Variants in CHD9 observed in about 807,000 individuals in gnomAD.
The protein encoded by CHD9 is chromodomain helicase DNA binding protein 9.
Under a neutral mutation model 316.1 loss-of-function variants are expected in CHD9, and 77 were observed. That is an observed-to-expected ratio of 0.24 (90% confidence interval 0.20 to 0.29). CHD9 has a LOEUF of 0.29. CHD9 is among the 10% of genes least tolerant of loss of function. The pLI is 1.00. For synonymous variants in CHD9, 1,129 were observed against 1,158.3 expected, an observed-to-expected ratio of 0.97 and a Z score of 0.51; for missense variants, 2,763 against 3,438.1, an observed-to-expected ratio of 0.80 and a Z score of 4.91.
intron 11 of CHD9, among the ~76,000 whole-genome samples, chr16:53,237,837 C>CTGTT (rs10660103): frequency 6.6e-6 from 1 of 151,670 alleles, no homozygotes; most frequent in East Asian, 1.9e-4. Context: ...GCCTGAGTAT[C>CTGTT]TTTTTTTTCA....
At chr16:53,063,418 A>G (rs1345849519) in intron 1 of CHD9, among the ~76,000 whole-genome samples, 1 of 151,304 alleles carries the variant, frequency 6.6e-6, no homozygotes, top group Non-Finnish European at 1.5e-5. Flanking sequence ...TGAAGGTGAT[A>G]TTTGAATAAC....
intron 30 of CHD9, among the ~76,000 whole-genome samples, chr16:53,300,910 T>A (rs965361968): frequency 2.6e-5 from 4 of 152,074 alleles, no homozygotes; most frequent in African/African-American, 9.7e-5. Context: ...TTGTCTATAC[T>A]AAAAATACAA....
intron 2 of CHD9, among the ~76,000 whole-genome samples, chr16:53,204,023 CAAAAA>C (rs530552464): frequency 0.036 from 1,723 of 48,010 alleles, 78 homozygotes; most frequent in African/African-American, 0.14. Flanking sequence ...GACTCCATCT[CAAAAA>C]AAAAAAAAAA....
chr16:53,117,735 T>C (rs1199725511), intron 1 of CHD9, among the ~76,000 whole-genome samples: 1 of 151,868 alleles, frequency 6.6e-6, no homozygotes, highest in Non-Finnish European at 1.5e-5. Context: ...ATTTTTGAGA[T>C]CTTTACCCAA....
At chr16:53,275,606 C>T (rs2052731402) in intron 24 of CHD9, among the ~76,000 whole-genome samples, 1 of 152,110 alleles carries the variant, frequency 6.6e-6, no homozygotes, top group Admixed American at 6.6e-5. Flanking sequence ...TCACCTTTCC[C>T]AGTTTTCTTC....
chr16:53,070,460 C>T (rs940706422), intron 1 of CHD9, among the ~76,000 whole-genome samples: 52 of 151,814 alleles, frequency 3.4e-4, no homozygotes, highest in Admixed American at 7.9e-4. Context: ...TTTTTTTGCA[C>T]GAGTAGCATG....
chr16:53,221,348 G>T (rs930435688), intron 3 of CHD9, among the ~76,000 whole-genome samples: 1 of 152,142 alleles, frequency 6.6e-6, no homozygotes, highest in African/African-American at 2.4e-5. Flanking sequence ...TTGACCCTGT[G>T]TTTTCAAAGT....
Position 53,250,084 on chromosome 16 carries a change from C to G in CHD9, c.3861+18C>G, listed in dbSNP as rs201035834. 50 of 1,560,488 alleles carry G rather than the reference C, an allele frequency of 3.2e-5. No homozygotes were observed. In the African/African-American group the frequency reaches 6.6e-4, roughly 21 times the overall value. On this transcript the variant is annotated intron_variant, in intron 17 of 38. Coordinates refer to ENST00000447540, the MANE Select transcript of CHD9 (RefSeq NM_001308319.2). ...ATCTTCAGGTAAATAATTTCCTTGG[C>G]TAACAAAAAATGCATTTTTTAAAAA...
intron 3 of CHD9, among the ~76,000 whole-genome samples, chr16:53,217,856 C>T (rs966472075): frequency 6.6e-6 from 1 of 151,554 alleles, no homozygotes; most frequent in Non-Finnish European, 1.5e-5. Context: ...TCTCCCACTT[C>T]AGTCTACCAA....
intron 22 of CHD9, among the ~76,000 whole-genome samples, chr16:53,273,305 A>G (rs1217529380): frequency 2.0e-5 from 3 of 152,192 alleles, no homozygotes; most frequent in African/African-American, 7.2e-5. Context: ...TTTAGTATCT[A>G]GGAAAGCAAA....
intron 29 of CHD9, among the ~76,000 whole-genome samples, chr16:53,296,122 T>G (rs1567640095): frequency 6.6e-6 from 1 of 152,230 alleles, no homozygotes; most frequent in East Asian, 1.9e-4. Context: ...AAATGCCACT[T>G]ACTCTGTGAT....
At chr16:53,099,663 G>A (rs1434014163) in intron 1 of CHD9, among the ~76,000 whole-genome samples, 1 of 152,178 alleles carries the variant, frequency 6.6e-6, no homozygotes, top group Non-Finnish European at 1.5e-5. Context: ...CTCCGGGCGG[G>A]AGATTCGGCT....
intron 1 of CHD9, among the ~76,000 whole-genome samples, chr16:53,086,929 A>C (rs2035512859): frequency 6.6e-6 from 1 of 152,072 alleles, no homozygotes; most frequent in South Asian, 2.1e-4. Context: ...ATGGAAACTT[A>C]CCCAATCTTC....
At chr16:53,190,068 A>C (rs925706550) in intron 2 of CHD9, among the ~76,000 whole-genome samples, 23 of 152,132 alleles carry the variant, frequency 1.5e-4, no homozygotes, top group Admixed American at 1.4e-3. Flanking sequence ...ACTAGAACAG[A>C]ACCAACAAAC....
chr16:53,086,567 G>T (rs2035477449), intron 1 of CHD9, among the ~76,000 whole-genome samples: 1 of 152,166 alleles, frequency 6.6e-6, no homozygotes. Context: ...TGGCATAAAT[G>T]ACTTAGCTTC....
rs1170512466 is a variant in CHD9 at position 53,317,177 on chromosome 16, A to AAG, written c.7585-1034_7585-1033insGA. On this transcript the variant is annotated intron_variant, in intron 36 of 38. Transcript: ENST00000447540. Reference sequence around the variant, plus strand: ...AAACTCCATCTCAAAAAAAAAAAAAAAAAAGAAAAGAGGATAGGACTGTAA... The same window carrying AAG: ...AAACTCCATCTCAAAAAAAAAAAAAAAGAAAAGAAAAGAGGATAGGACTGTAA... 4.6e-5 allele frequency among the ~76,000 whole-genome samples: 7 copies of AAG among 151,806 alleles called. No individual in the cohort carries two copies. In the East Asian group the frequency reaches 5.8e-4, roughly 13 times the overall value.
chr16:53,245,229 A>G lies in CHD9; in HGVS notation c.3055-107A>G, dbSNP rs2049481488. On this transcript the variant is annotated intron_variant, in intron 13 of 38. Transcript: ENST00000447540. The surrounding 1 kb of genome is among the most constrained non-coding windows in gnomAD (Gnocchi z 4.1). Reference sequence around the variant, plus strand: ...ACACACATAACATATATATATGTATATATAGTCAGAAAAATATTTGCATAT... The same window carrying G: ...ACACACATAACATATATATATGTATGTATAGTCAGAAAAATATTTGCATAT... 6.5e-6 allele frequency: 5 copies of G among 764,732 alleles called. No homozygotes were observed. The highest frequency in any genetic ancestry group is 1.0e-5 in the Non-Finnish European group (5 of 500,310). The allele number at this position is 764,732 out of a possible 1,614,324, so 47.4% of individuals were successfully genotyped here.
At chr16:53,190,253 T>G (rs557913564) in intron 2 of CHD9, among the ~76,000 whole-genome samples, 1 of 152,250 alleles carries the variant, frequency 6.6e-6, no homozygotes, top group South Asian at 2.1e-4. Flanking sequence ...TAAAAACGTT[T>G]TATACTAGAA....
Position 53,321,610 on chromosome 16 carries a change from G to T in CHD9, c.7798G>T (p.Gly2600Ter). Residue 2600 changes from glycine (G) to a stop codon, truncating the protein, a stop_gained, in exon 38 of 39, where the codon GGA becomes TGA. Transcript: ENST00000447540. LOFTEE classifies it high-confidence loss of function. ...AGAATATGGAGTAGCTCCTGAATGG[G>T]GAGATGTTGTTAAGCAATCTGTGAG... The part of the protein sequence containing the change: ...NSEYGVAPEW[G>*]DVVKQSGFLP... 6.6e-7 allele frequency: 1 copy of T among 1,523,560 alleles called. No individual in the cohort carries two copies. Among genetic ancestry groups the T allele is most frequent in the South Asian group, 1.3e-5 (1 of 77,666 alleles). 94.4% of individuals were successfully genotyped at this position (1,523,560 alleles called of 1,614,324 possible).
Sources: allele counts gnomAD v4.1 joint callset (sites outside exome capture counted in the v4.1 genomes callset), GRCh38; gene constraint gnomAD v4.1.1; non-coding constraint Gnocchi (gnomAD v3.1); transcripts MANE v1.5; gene names NCBI Gene and HGNC (gene_info 2026-07-23, HGNC 2026-07-21).